Variants in SLC49A4 observed in about 807,000 individuals in gnomAD.
SLC49A4 encodes the protein disrupted in renal cancer protein 2.
A neutral mutation model predicts 50.6 loss-of-function variants in SLC49A4; 36 were observed. The ratio of observed to expected loss-of-function variants is 0.71; its 90% CI spans 0.55 to 0.94. The LOEUF (loss-of-function observed/expected upper bound fraction) is 0.94. SLC49A4 is among the 40% of genes least tolerant of loss of function. The pLI, the probability that SLC49A4 is intolerant of heterozygous loss-of-function variation, is 0.00. For missense variants in SLC49A4, 503 were observed against 605.7 expected (o/e 0.83, Z 1.78); for synonymous variants, 248 against 241.2 (o/e 1.03, Z -0.26).
chr3:122,872,830 C>T (rs1458398174), intron 8 of SLC49A4, among the ~76,000 whole-genome samples: 1 of 129,008 alleles, frequency 7.8e-6, no homozygotes, highest in Non-Finnish European at 1.6e-5. Context: ...CCCCGAATTT[C>T]TGAATTAATT....
chr3:122,838,270 G>A (rs1176104466), intron 4 of SLC49A4, among the ~76,000 whole-genome samples: 1 of 152,068 alleles, frequency 6.6e-6, no homozygotes, highest in Non-Finnish European at 1.5e-5. Flanking sequence ...TGTTTATGGT[G>A]GCAATATTCA....
intron 4 of SLC49A4, among the ~76,000 whole-genome samples, chr3:122,834,700 AAAAAC>A (rs1936653476): frequency 6.6e-6 from 1 of 152,182 alleles, no homozygotes; most frequent in African/African-American, 2.4e-5. Context: ...GAAAAAAAGA[AAAAAC>A]AAAGATCAGA....
At chr3:122,866,356 A>G (rs1937120320) in intron 7 of SLC49A4, among the ~76,000 whole-genome samples, 1 of 151,916 alleles carries the variant, frequency 6.6e-6, no homozygotes, top group Non-Finnish European at 1.5e-5. Flanking sequence ...TTTGTTTTTA[A>G]TATCCTGGTT....
chr3:122,809,320 G>A (rs1936265391), intron 2 of SLC49A4, among the ~76,000 whole-genome samples: 1 of 152,124 alleles, frequency 6.6e-6, no homozygotes, highest in South Asian at 2.1e-4. Flanking sequence ...TATTGTATTT[G>A]AGATGCTCTT....
intron 4 of SLC49A4, among the ~76,000 whole-genome samples, chr3:122,836,451 A>G (rs1301534015): frequency 6.6e-6 from 1 of 152,086 alleles, no homozygotes; most frequent in Non-Finnish European, 1.5e-5. Flanking sequence ...TTGGTCTAAA[A>G]TTCTCTTTTT....
chr3:122,877,183 C>T (rs1255066116), intron 8 of SLC49A4, among the ~76,000 whole-genome samples: 1 of 152,144 alleles, frequency 6.6e-6, no homozygotes, highest in Non-Finnish European at 1.5e-5. Flanking sequence ...CATTTCCTTG[C>T]TTATTAGAGC....
chr3:122,843,283 T>C (rs1936797666), intron 4 of SLC49A4, among the ~76,000 whole-genome samples: 1 of 149,322 alleles, frequency 6.7e-6, no homozygotes. Context: ...TATAACCCCA[T>C]AAGTCGGTAT....
chr3:122,804,025 A>G (rs750759519), intron 1 of SLC49A4, among the ~76,000 whole-genome samples: 10 of 152,188 alleles, frequency 6.6e-5, no homozygotes, highest in African/African-American at 1.9e-4. Flanking sequence ...CTACATTGCT[A>G]TAAAGAAATA....
At chr3:122,816,530 G>A (rs1936368777) in intron 2 of SLC49A4, among the ~76,000 whole-genome samples, 1 of 152,140 alleles carries the variant, frequency 6.6e-6, no homozygotes. Context: ...TGTGAATGCA[G>A]CACCCCAATT....
At chr3:122,816,393 G>C (rs1011153834) in intron 2 of SLC49A4, among the ~76,000 whole-genome samples, 2 of 152,122 alleles carry the variant, frequency 1.3e-5, no homozygotes, top group African/African-American at 4.8e-5. Context: ...GAAACACAGA[G>C]TAATGTTCTG....
chr3:122,843,848 G>A (rs1576303672), intron 4 of SLC49A4, among the ~76,000 whole-genome samples: 1 of 152,148 alleles, frequency 6.6e-6, no homozygotes, highest in South Asian at 2.1e-4. Context: ...TCATCAGGAG[G>A]CGTATAATAT....
intron 7 of SLC49A4, among the ~76,000 whole-genome samples, chr3:122,871,290 G>T: frequency 6.6e-6 from 1 of 151,938 alleles, no homozygotes; most frequent in Non-Finnish European, 1.5e-5. Flanking sequence ...CAAGAGTGGA[G>T]GTTAATTAGA....
intron 4 of SLC49A4, among the ~76,000 whole-genome samples, chr3:122,836,514 T>A (rs951741683): frequency 6.6e-6 from 1 of 152,198 alleles, no homozygotes; most frequent in Admixed American, 6.5e-5. Flanking sequence ...CCTCATAAAA[T>A]GAGTTAGGGA....
rs2107587379 is a variant in SLC49A4, at chr3:122,880,874, A to G, written c.*1496A>G. The G allele has an allele frequency of 6.6e-6, 1 of 152,238 alleles. No individual in the cohort carries two copies. The highest frequency in any genetic ancestry group is 1.5e-5 in the Non-Finnish European group (1 of 68,054). 9.4% of individuals were successfully genotyped at this position (152,238 alleles called of 1,614,324 possible). On this transcript the variant is annotated 3_prime_UTR_variant, in exon 9 of 9. Coordinates refer to ENST00000261038, the MANE Select transcript of SLC49A4 (RefSeq NM_032839.3). ...TTAGCAAGTACAAGGCTGTGCATTA[A>G]CTCACCTCGGTCCTAGAGGAGTATC...
At chr3:122,831,164 A>T (rs1165980416) in intron 3 of SLC49A4, among the ~76,000 whole-genome samples, 1 of 152,110 alleles carries the variant, frequency 6.6e-6, no homozygotes, top group Non-Finnish European at 1.5e-5. Flanking sequence ...GAACCTTCAT[A>T]CATTCCCATA....
intron 1 of SLC49A4, among the ~76,000 whole-genome samples, chr3:122,802,389 A>C (rs1936146168): frequency 6.6e-6 from 1 of 152,186 alleles, no homozygotes; most frequent in African/African-American, 2.4e-5. Flanking sequence ...AGAATTCTTA[A>C]GGTATAAAAC....
At chr3:122,826,191 G>C (rs1936524900) in intron 2 of SLC49A4, among the ~76,000 whole-genome samples, 1 of 152,148 alleles carries the variant, frequency 6.6e-6, no homozygotes, top group Non-Finnish European at 1.5e-5. Context: ...AGGTCCTCCG[G>C]TTCCTCAACT....
intron 4 of SLC49A4, among the ~76,000 whole-genome samples, chr3:122,838,028 G>T (rs1936714692): frequency 6.6e-6 from 1 of 151,778 alleles, no homozygotes; most frequent in Admixed American, 6.6e-5. Context: ...ACACCAGTTA[G>T]AATGGCGATC....
intron 4 of SLC49A4, among the ~76,000 whole-genome samples, chr3:122,844,354 T>A (rs1443558906): frequency 2.0e-5 from 3 of 152,188 alleles, no homozygotes; most frequent in Non-Finnish European, 4.4e-5. Context: ...ATTACAGGCA[T>A]GAGCCACCAT....
Sources: allele counts gnomAD v4.1 joint callset (sites outside exome capture counted in the v4.1 genomes callset), GRCh38; gene constraint gnomAD v4.1.1; transcripts MANE v1.5; gene names NCBI Gene and HGNC (gene_info 2026-07-23, HGNC 2026-07-21).